Variants in TEX11 observed in about 807,000 individuals in gnomAD.
TEX11 encodes testis expressed 11, also known as testis-expressed protein 11.
TEX11 carries 7 observed loss-of-function variants against 84.4 expected under a neutral mutation model. The observed-to-expected ratio is 0.08, with a 90% CI of 0.05 to 0.16. The LOEUF (loss-of-function observed/expected upper bound fraction) is 0.16, where lower values mean the gene tolerates loss of function less well. Ranked by LOEUF, TEX11 falls within the 10% of genes least tolerant of loss-of-function variation. TEX11 has a pLI of 1.00. For synonymous variants in TEX11, 264 were observed against 222.8 expected (o/e 1.18, Z -1.64); for missense variants, 551 against 660.5 (o/e 0.83, Z 1.82).
the TEX11 span, among the ~76,000 whole-genome samples, chrX:70,516,092 G>A: frequency 8.9e-6 from 1 of 112,147 alleles, no homozygotes; most frequent in Non-Finnish European, 1.9e-5. Flanking sequence ...TCTGATGGTA[G>A]TTTCTTTTGC....
intron 9 of TEX11, among the ~76,000 whole-genome samples, chrX:70,768,563 A>T (rs754601277): frequency 3.6e-5 from 4 of 111,421 alleles, no homozygotes; most frequent in South Asian, 7.6e-4. Context: ...AAGCAGGTAC[A>T]TGTTACATGG....
At chrX:70,790,691 A>G (rs2091112700) in intron 9 of TEX11, among the ~76,000 whole-genome samples, 2 of 111,866 alleles carry the variant, frequency 1.8e-5, no homozygotes, top group African/African-American at 6.5e-5. Flanking sequence ...TCTGTCGGCA[A>G]CACCTCCCAA....
intron 8 of TEX11, among the ~76,000 whole-genome samples, chrX:70,825,222 A>T (rs2091338602): frequency 9.1e-6 from 1 of 109,494 alleles, no homozygotes; most frequent in African/African-American, 3.3e-5. Context: ...TGAGGCAGGA[A>T]AAGCGCTTGA....
At chrX:70,869,776 C>CAA (rs1300873017) in intron 4 of TEX11, among the ~76,000 whole-genome samples, 1 of 99,511 alleles carries the variant, frequency 1.0e-5, no homozygotes, top group Admixed American at 1.1e-4. Flanking sequence ...GATCCTGTCT[C>CAA]AAAAAAAAAA....
intron 13 of TEX11, among the ~76,000 whole-genome samples, chrX:70,714,685 T>C (rs779432757): frequency 2.5e-3 from 284 of 111,638 alleles, no homozygotes; most frequent in Non-Finnish European, 4.7e-3. Context: ...CCTATGTGTG[T>C]CTCTGCACGT....
chrX:70,546,668 C>G (rs1005976039), intron 28 of TEX11, among the ~76,000 whole-genome samples: 2 of 110,651 alleles, frequency 1.8e-5, no homozygotes, highest in Non-Finnish European at 3.8e-5. Context: ...AAATATAAAT[C>G]AAAACCACAA....
At chrX:70,575,354 G>A (rs2088659268) in intron 25 of TEX11, among the ~76,000 whole-genome samples, 1 of 111,869 alleles carries the variant, frequency 8.9e-6, no homozygotes, top group Non-Finnish European at 1.9e-5. Context: ...TTCAGATGTT[G>A]AAACTTAATG....
At chrX:70,645,527 T>C (rs1187582665) in intron 17 of TEX11, among the ~76,000 whole-genome samples, 1 of 97,151 alleles carries the variant, frequency 1.0e-5, no homozygotes, top group Non-Finnish European at 2.2e-5. Context: ...ATCTTATATA[T>C]AGAAAACCTT....
chrX:70,548,758 T>C (rs752299337), intron 28 of TEX11, among the ~76,000 whole-genome samples: 1 of 112,076 alleles, frequency 8.9e-6, no homozygotes, highest in Non-Finnish European at 1.9e-5. Flanking sequence ...TAGTTGGAAC[T>C]TGAGTTCCAA....
the TEX11 span, among the ~76,000 whole-genome samples, chrX:70,512,282 G>A: frequency 2.8e-5 from 3 of 107,602 alleles, no homozygotes; most frequent in Admixed American, 2.0e-4. Context: ...GCAGTGTCGC[G>A]ATCTTGGCTC....
chrX:70,524,910 A>C, downstream of TEX11, among the ~76,000 whole-genome samples: 1 of 112,519 alleles, frequency 8.9e-6, no homozygotes, highest in East Asian at 2.8e-4. Context: ...ATGGCGGCTC[A>C]TGCCTGCAAT....
intron 9 of TEX11, among the ~76,000 whole-genome samples, chrX:70,787,764 A>G (rs775289049): frequency 2.7e-4 from 30 of 112,051 alleles, no homozygotes; most frequent in Admixed American, 7.6e-4. Flanking sequence ...ATGATTTTAT[A>G]TTAGAAAATC....
chrX:70,561,233 T>C lies in TEX11; in HGVS notation c.2141-6433A>G, dbSNP rs917488593. Among the ~76,000 whole-genome samples, 6 of 109,407 alleles carry C rather than the reference T, an allele frequency of 5.5e-5. No individual in the cohort carries two copies. In the East Asian group the frequency reaches 1.7e-3, roughly 31 times the overall value. On this transcript the variant is annotated intron_variant, in intron 25 of 29. Transcript: ENST00000374333. ...TGTGGCTTTCAGTGCAGAGGTCTTA[T>C]ACATCTTTCATTATAGATTACTAGG... is the stretch of plus-strand genomic sequence containing the variant.
chrX:70,528,555 G>A (rs993936012), downstream of TEX11, among the ~76,000 whole-genome samples: 1 of 108,506 alleles, frequency 9.2e-6, no homozygotes, highest in Non-Finnish European at 1.9e-5. Context: ...TGAACTCCTG[G>A]CCTCAAGTGA....
intron 18 of TEX11, among the ~76,000 whole-genome samples, chrX:70,626,333 C>T (rs1175839719): frequency 1.8e-5 from 2 of 110,583 alleles, no homozygotes; most frequent in Non-Finnish European, 3.8e-5. Flanking sequence ...TAAGTTCCTC[C>T]TTAAGTTTTG....
chrX:70,774,395 A>T (rs1342827823), intron 9 of TEX11, among the ~76,000 whole-genome samples: 1 of 110,973 alleles, frequency 9.0e-6, no homozygotes, highest in Non-Finnish European at 1.9e-5. Flanking sequence ...CAGGCAAAAG[A>T]AAAAAATAAA....
intron 13 of TEX11, among the ~76,000 whole-genome samples, chrX:70,706,001 A>G (rs2090370729): frequency 1.8e-5 from 2 of 111,380 alleles, no homozygotes; most frequent in Non-Finnish European, 3.8e-5. Context: ...ATAAAGACAC[A>G]TGCACACATA....
At chrX:70,636,774 T>C (rs753695287) in intron 17 of TEX11, among the ~76,000 whole-genome samples, 5 of 112,017 alleles carry the variant, frequency 4.5e-5, no homozygotes, top group Non-Finnish European at 5.6e-5. Flanking sequence ...TCCAACCCCA[T>C]GGACCTAGGC....
At position 70,552,186 on chromosome X, in the gene TEX11, G is replaced by C. The variant is rs2088224086; in HGVS notation, c.2460C>G (p.Leu820=). The change falls in exon 28 of 30, where the codon CTC becomes CTG. Residue 820 remains leucine, a synonymous_variant. Transcript: ENST00000374333. ...AGCCCCAAACTTCTTCCAGGGGACA[G>C]AGCTCTACATTCGACGCCCCATCTG... ...SVPDGASNVE[L]CPLEEVWGYF... is the part of the protein sequence containing the mutation. 1 of 1,211,426 alleles carries C rather than the reference G, an allele frequency of 8.3e-7. No individual in the cohort carries two copies. Among genetic ancestry groups the C allele is most frequent in the African/African-American group, 1.7e-5 (1 of 57,883 alleles).
Sources: allele counts gnomAD v4.1 joint callset (sites outside exome capture counted in the v4.1 genomes callset), GRCh38; gene constraint gnomAD v4.1.1; transcripts MANE v1.5; gene names NCBI Gene and HGNC (gene_info 2026-07-23, HGNC 2026-07-21).